The following ST3GAL5 variants were observed in gnomAD, a reference collection of about 807,000 sequenced individuals.
ST3GAL5 encodes the protein ST3 beta-galactoside alpha-2,3-sialyltransferase 5, also known as lactosylceramide alpha-2,3-sialyltransferase.
Under a neutral mutation model 46.1 loss-of-function variants are expected in ST3GAL5, and 25 were observed. That is an observed-to-expected ratio of 0.54 (90% CI 0.40 to 0.76). The LOEUF (loss-of-function observed/expected upper bound fraction) is 0.76, where lower values mean the gene tolerates loss of function less well. Ranked by LOEUF, ST3GAL5 falls within the 30% of genes least tolerant of loss-of-function variation. The pLI is 0.00. For missense variants in ST3GAL5, 431 were observed against 521.2 expected, an observed-to-expected ratio of 0.83 and a Z score of 1.69; for synonymous variants, 182 against 192.7, an observed-to-expected ratio of 0.94 and a Z score of 0.46.
intron 1 of ST3GAL5, chr2:85,867,640 G>C: frequency 1.3e-6 from 1 of 781,006 alleles, no homozygotes; most frequent in Non-Finnish European, 2.4e-6. Context: ...GGCGAGACAG[G>C]ATAATGGTTG....
At position 85,839,797 on chromosome 2, in the gene ST3GAL5, T is replaced by G. The variant is rs1681790589; in HGVS notation, c.*347A>C. ...AGAGTGACCTCCCCTCTCCTTCCAATTAGTTACCTGTATTCAATGTGCAGT... is the reference window on the plus strand; with the variant it reads ...AGAGTGACCTCCCCTCTCCTTCCAAGTAGTTACCTGTATTCAATGTGCAGT... On this transcript the variant is annotated 3_prime_UTR_variant, in exon 7 of 7. Coordinates refer to ENST00000638572, the MANE Select transcript of ST3GAL5 (RefSeq NM_003896.4). The G allele has an allele frequency of 8.7e-6, 3 of 343,372 alleles. No homozygotes were observed. The highest frequency in any genetic ancestry group is 7.2e-5 in the South Asian group (3 of 41,396). 21.3% of individuals were successfully genotyped at this position (343,372 alleles called of 1,614,324 possible).
intron 1 of ST3GAL5, chr2:85,870,324 A>G: frequency 2.2e-6 from 1 of 449,618 alleles, no homozygotes; most frequent in South Asian, 1.6e-5. Context: ...GCAGTTTCTT[A>G]TGAGGGTTTC....
chr2:85,868,738 C>A (rs1277116490), intron 1 of ST3GAL5, among the ~76,000 whole-genome samples: 2 of 151,962 alleles, frequency 1.3e-5, no homozygotes, highest in Non-Finnish European at 2.9e-5. Flanking sequence ...CCTGCCTCAG[C>A]CTCCCGAGTA....
intron 1 of ST3GAL5, among the ~76,000 whole-genome samples, chr2:85,872,294 A>G (rs1046995698): frequency 1.3e-5 from 2 of 152,126 alleles, no homozygotes; most frequent in African/African-American, 4.8e-5. Context: ...GTTGTCCTTG[A>G]GGGGAGATGA....
At chr2:85,878,217 A>AT in intron 1 of ST3GAL5, among the ~76,000 whole-genome samples, 1 of 152,250 alleles carries the variant, frequency 6.6e-6, no homozygotes, top group Non-Finnish European at 1.5e-5. Flanking sequence ...CCCAAGAAAT[A>AT]TTTTAAAAAC....
intron 1 of ST3GAL5, among the ~76,000 whole-genome samples, chr2:85,884,197 T>G (rs1438065365): frequency 6.6e-6 from 1 of 152,154 alleles, no homozygotes; most frequent in Non-Finnish European, 1.5e-5. Flanking sequence ...ATTACATTAG[T>G]TAGTATATAT....
chr2:85,880,922 G>A lies in ST3GAL5; in HGVS notation c.82+7902C>T, dbSNP rs766701501. 1.2e-4 allele frequency: 61 copies of A among 518,212 alleles called. 1 individual carries two copies. The Middle Eastern group carries it at 2.6e-3, about 22-fold the overall frequency. 32.1% of individuals were successfully genotyped at this position (518,212 alleles called of 1,614,324 possible). A position where few individuals can be genotyped will look rare whatever the true frequency, so the allele number is the denominator to read the frequency against. ...TGGACATGCGGGCAGAGTGTCAGATGATGTTTCAGATTTGGGGTGTATGTG... is the reference window on the plus strand; with the variant it reads ...TGGACATGCGGGCAGAGTGTCAGATAATGTTTCAGATTTGGGGTGTATGTG... On this transcript the variant is annotated intron_variant, in intron 1 of 6. Transcript: ENST00000638572.
At position 85,844,424 on chromosome 2, in the gene ST3GAL5, G is replaced by A; in HGVS notation, c.980C>T (p.Pro327Leu). The A allele has an allele frequency of 1.2e-6, 2 of 1,614,210 alleles. No homozygotes were observed. Among genetic ancestry groups the A allele is most frequent in the South Asian group, 1.1e-5 (1 of 91,080 alleles). The change falls in exon 6 of 7, where the codon CCT (proline) becomes CTT (leucine). Residue 327 changes from proline to leucine, a missense_variant. Transcript: ENST00000638572. ...ATCTCGGCCCCAGAACCTTGACTGA[G>A]GCTCTGAGTACTGAAGGATGTCAAA... Reference protein sequence around the residue: ...TAFDILQYSEPQSRFWGRDKN... With the variant: ...TAFDILQYSELQSRFWGRDKN...
intron 1 of ST3GAL5, chr2:85,867,837 G>A (rs891514251): frequency 3.2e-6 from 2 of 622,408 alleles, no homozygotes; most frequent in Non-Finnish European, 5.8e-6. Flanking sequence ...GTATATGAAA[G>A]TAGAAACCTT....
At chr2:85,887,593 G>A (rs1309213900) in intron 1 of ST3GAL5, 4 of 152,252 alleles carry the variant, frequency 2.6e-5, no homozygotes, top group Non-Finnish European at 5.9e-5. Context: ...CTGGAATTCA[G>A]GTGCTTCTAG....
At chr2:85,872,840 G>A (rs1686100785) in intron 1 of ST3GAL5, among the ~76,000 whole-genome samples, 1 of 152,224 alleles carries the variant, frequency 6.6e-6, no homozygotes, top group African/African-American at 2.4e-5. Flanking sequence ...TGTTTGAGAG[G>A]AAGAATTCCA....
At chr2:85,845,309 C>T (rs58315750) in intron 5 of ST3GAL5, 6,781 of 153,044 alleles carry the variant, frequency 0.044, 215 homozygotes, top group East Asian at 0.11. Flanking sequence ...GAACCACTGA[C>T]CAAAGCATTT....
intron 1 of ST3GAL5, among the ~76,000 whole-genome samples, chr2:85,882,834 C>CAAAAAAAAA (rs71377050): frequency 1.1e-4 from 14 of 132,290 alleles, no homozygotes; most frequent in Admixed American, 1.6e-4. Flanking sequence ...GACTCTGTCT[C>CAAAAAAAAA]AAAAAAAAAA....
chr2:85,869,386 C>CTT (rs34172834), intron 1 of ST3GAL5, among the ~76,000 whole-genome samples: 6,458 of 145,846 alleles, frequency 0.044, 202 homozygotes, highest in East Asian at 0.11. Flanking sequence ...TTTTGCATTC[C>CTT]TTTTTTTTTT....
intron 1 of ST3GAL5, among the ~76,000 whole-genome samples, chr2:85,879,493 T>C (rs1170510361): frequency 2.0e-5 from 3 of 152,024 alleles, no homozygotes; most frequent in African/African-American, 4.8e-5. Flanking sequence ...ACTGAAGAAA[T>C]TGCCCCTAGA....
chr2:85,861,557 T>C (rs1425728172), intron 2 of ST3GAL5, among the ~76,000 whole-genome samples: 4 of 149,424 alleles, frequency 2.7e-5, no homozygotes, highest in African/African-American at 9.9e-5. Context: ...AATCACAATG[T>C]CAATTATTGA....
chr2:85,840,059 C>G lies in ST3GAL5; in HGVS notation c.*85G>C. 6.2e-7 allele frequency: 1 copy of G among 1,600,138 alleles called. No individual in the cohort carries two copies. The highest frequency in any genetic ancestry group is 8.6e-7 in the Non-Finnish European group (1 of 1,169,240). ...AAACATGAGCTGCACTTCAAAGTAT[C>G]TGCAGGATGGAGAAATACATCAAGA... On this transcript the variant is annotated 3_prime_UTR_variant, in exon 7 of 7. Coordinates refer to ENST00000638572, the MANE Select transcript of ST3GAL5 (RefSeq NM_003896.4).
intron 5 of ST3GAL5, chr2:85,845,778 G>T (rs1384830848): frequency 6.5e-6 from 1 of 153,460 alleles, no homozygotes; most frequent in African/African-American, 2.4e-5. Context: ...CACTGAGGAA[G>T]TGCCGGTGCT....
At chr2:85,849,505 C>A (rs573305862) in intron 3 of ST3GAL5, 1 of 152,290 alleles carries the variant, frequency 6.6e-6, no homozygotes, top group Admixed American at 6.5e-5. Context: ...GTCCCAGCTA[C>A]TCGGGAGGCT....
Sources: allele counts gnomAD v4.1 joint callset (sites outside exome capture counted in the v4.1 genomes callset), GRCh38; gene constraint gnomAD v4.1.1; transcripts MANE v1.5; gene names NCBI Gene and HGNC (gene_info 2026-07-23, HGNC 2026-07-21).